Variants in ABCB11 observed in about 807,000 individuals in gnomAD.
The protein encoded by ABCB11 is ATP binding cassette subfamily B member 11.
Under a neutral mutation model 148.0 loss-of-function variants are expected in ABCB11, and 95 were observed. That is an observed-to-expected ratio of 0.64 (90% CI 0.54 to 0.76). The LOEUF is 0.76. ABCB11 is among the 30% of genes least tolerant of loss of function. The probability of loss-of-function intolerance (pLI) is 0.00; values close to 1 mark genes in which losing one functional copy is unlikely to be tolerated. For synonymous variants in ABCB11, 591 were observed against 555.4 expected (o/e 1.06, Z -0.90); for missense variants, 1,523 against 1,617.8 (o/e 0.94, Z 1.01).
intron 15 of ABCB11, among the ~76,000 whole-genome samples, chr2:168,969,824 C>G (rs949171267): frequency 1.3e-5 from 2 of 152,010 alleles, no homozygotes; most frequent in African/African-American, 4.8e-5. Flanking sequence ...AAGATTTAAA[C>G]TTTTACATGT....
chr2:168,961,423 G>C (rs1693071218), intron 18 of ABCB11, among the ~76,000 whole-genome samples: 1 of 151,658 alleles, frequency 6.6e-6, no homozygotes, highest in Admixed American at 6.6e-5. Flanking sequence ...AACTAATACT[G>C]ATAGCCATTT....
At chr2:168,916,175 A>C (rs1487364687), downstream of ABCB11, among the ~76,000 whole-genome samples, 1 of 152,212 alleles carries the variant, frequency 6.6e-6, no homozygotes, top group African/African-American at 2.4e-5. Flanking sequence ...CAAAGGTTTT[A>C]TCTTTTTTGG....
chr2:168,974,921 T>A (rs1469603332), intron 12 of ABCB11, among the ~76,000 whole-genome samples: 1 of 149,590 alleles, frequency 6.7e-6, no homozygotes, highest in African/African-American at 2.4e-5. Flanking sequence ...TCAGAATATA[T>A]ATTTACTTAT....
In ABCB11 at chr2:168,944,606, C is replaced by A. The variant is rs201068438; in HGVS notation, c.2609G>T (p.Gly870Val). ...TCTATTTCCCCTCCCATAGCTCACC[C>A]CTTGAACTTGGGAAGCATCTGTAGC... ...RLATDASQVQGAAGSQIGMIV... is the reference protein window; with the variant it reads ...RLATDASQVQVAAGSQIGMIV... Residue 870 changes from glycine to valine, a missense_variant and splice_region_variant, in exon 21 of 28, where the codon GGG becomes GTG. By Grantham distance (109) the Gly-to-Val change is moderately radical (BLOSUM62 -3). Coordinates refer to ENST00000650372, the MANE Select transcript of ABCB11 (RefSeq NM_003742.4). The A allele has an allele frequency of 1.6e-5, 25 of 1,602,900 alleles. No homozygotes were observed. The Admixed American group carries it at 3.2e-4, about 21-fold the overall frequency.
At chr2:169,020,553 T>C (rs1695506400) in intron 1 of ABCB11, among the ~76,000 whole-genome samples, 1 of 152,116 alleles carries the variant, frequency 6.6e-6, no homozygotes, top group Admixed American at 6.6e-5. Flanking sequence ...GGTAAATGTA[T>C]GTAGATTGAA....
chr2:168,934,246 G>C (rs1173590039), intron 23 of ABCB11, among the ~76,000 whole-genome samples: 1 of 152,124 alleles, frequency 6.6e-6, no homozygotes, highest in Admixed American at 6.5e-5. Context: ...AGCTGGGTGG[G>C]TGTAGTGGAG....
At chr2:169,014,233 ACACT>A in intron 4 of ABCB11, 66 bp downstream of exon 4, 3 of 1,142,972 alleles carry the variant, frequency 2.6e-6, no homozygotes, top group Non-Finnish European at 4.0e-6. Flanking sequence ...TAAAGATTTA[ACACT>A]CCCCTCATGA....
intron 5 of ABCB11, among the ~76,000 whole-genome samples, chr2:169,012,244 T>C (rs1428228085): frequency 1.3e-5 from 2 of 152,120 alleles, no homozygotes; most frequent in Non-Finnish European, 2.9e-5. Context: ...TTCTTGAACC[T>C]GAATATGTGG....
downstream of ABCB11, among the ~76,000 whole-genome samples, chr2:168,916,648 G>A (rs1690946554): frequency 6.6e-6 from 1 of 152,184 alleles, no homozygotes; most frequent in Non-Finnish European, 1.5e-5. Flanking sequence ...GGTTCACTGA[G>A]TTACTTTCAC....
chr2:168,985,999 T>C (rs1294169391), intron 10 of ABCB11, 111 bp downstream of exon 10: 2 of 893,402 alleles, frequency 2.2e-6, no homozygotes, highest in Non-Finnish European at 3.1e-6. Flanking sequence ...CATAAAATCA[T>C]TGATGCTTTT....
intron 1 of ABCB11, among the ~76,000 whole-genome samples, chr2:169,023,732 G>T (rs980941296): frequency 2.0e-5 from 3 of 152,168 alleles, no homozygotes; most frequent in Non-Finnish European, 4.4e-5. Context: ...ATATAGATAC[G>T]CAGTAGAAAT....
intron 1 of ABCB11, among the ~76,000 whole-genome samples, chr2:169,024,144 C>G (rs531256304): frequency 6.6e-6 from 1 of 151,936 alleles, no homozygotes; most frequent in East Asian, 1.9e-4. Context: ...CCATGGCACA[C>G]GTTTACCTAT....
At chr2:169,008,313 C>T (rs1483209244) in intron 5 of ABCB11, among the ~76,000 whole-genome samples, 2 of 152,154 alleles carry the variant, frequency 1.3e-5, no homozygotes, top group Non-Finnish European at 2.9e-5. Flanking sequence ...CTTCTTCCAG[C>T]TCTTGATAGC....
At position 168,941,316 on chromosome 2, in the gene ABCB11, A is replaced by G. The variant is rs548250948; in HGVS notation, c.2610+3289T>C. Among the ~76,000 whole-genome samples, 4 of 152,162 alleles carry G rather than the reference A, an allele frequency of 2.6e-5. No homozygotes were observed. The South Asian group carries it at 6.2e-4, about 24-fold the overall frequency. On this transcript the variant is annotated intron_variant, in intron 21 of 27. Coordinates refer to ENST00000650372, the MANE Select transcript of ABCB11 (RefSeq NM_003742.4). ...ATATACACTTTATATGTATATATAT[A>G]TTTATGAAAGAACATTTGTGATTCA...
intron 7 of ABCB11, among the ~76,000 whole-genome samples, chr2:168,994,260 G>A (rs905718941): frequency 3.3e-5 from 5 of 151,842 alleles, no homozygotes; most frequent in Non-Finnish European, 5.9e-5. Flanking sequence ...ATACCTTCTC[G>A]TGCATCAATC....
rs774534615 is a variant in ABCB11, at chr2:168,969,456, C to T, written c.1905G>A (p.Val635=). 4.3e-6 allele frequency: 7 copies of T among 1,612,366 alleles called. No homozygotes were observed. In the African/African-American group the frequency reaches 9.4e-5, roughly 22 times the overall value. The change falls in exon 16 of 28, where the codon GTG becomes GTA. Residue 635 remains valine (V), a synonymous_variant. Transcript: ENST00000650372. The part of the protein sequence containing the change: ...TIIGFEHGTA[V]ERGTHEELLE... ...GTAATTCTTCATGGGTCCCTCTTTC[C>T]ACTGCAGTGCCATGTTCAAAACCAA...
chr2:168,984,242 T>C (rs1360552929), intron 10 of ABCB11, among the ~76,000 whole-genome samples: 1 of 152,152 alleles, frequency 6.6e-6, no homozygotes, highest in Non-Finnish European at 1.5e-5. Flanking sequence ...CTCTGTCCTC[T>C]ATAGCATGTC....
At chr2:169,018,260 T>A (rs905210992) in intron 1 of ABCB11, 108 bp from the exon 2 acceptor site, 9 of 987,336 alleles carry the variant, frequency 9.1e-6, no homozygotes, top group Non-Finnish European at 1.3e-5. Context: ...TCTTTACTAA[T>A]CAATCTCAGA....
At chr2:168,980,360 C>T (rs1258245332) in intron 10 of ABCB11, among the ~76,000 whole-genome samples, 1 of 151,944 alleles carries the variant, frequency 6.6e-6, no homozygotes. Context: ...TAAAGGGTTG[C>T]CAAAAACAAT....
Sources: allele counts gnomAD v4.1 joint callset (sites outside exome capture counted in the v4.1 genomes callset), GRCh38; gene constraint gnomAD v4.1.1; transcripts MANE v1.5; gene names NCBI Gene and HGNC (gene_info 2026-07-23, HGNC 2026-07-21).